The following SMARCD1 variants were observed in gnomAD, a reference collection of about 807,000 sequenced individuals.
SMARCD1 encodes SWI/SNF related BAF chromatin remodeling complex subunit D1.
A neutral mutation model predicts 70.8 loss-of-function variants in SMARCD1; 16 were observed. The ratio of observed to expected loss-of-function variants is 0.23; its 90% CI spans 0.15 to 0.34. SMARCD1 has a LOEUF of 0.34. Among genes scored for constraint, SMARCD1 ranks in the 10% least tolerant of loss-of-function variants. The pLI is 1.00. For missense variants in SMARCD1, 409 were observed against 655.5 expected, an observed-to-expected ratio of 0.62 and a Z score of 4.11; for synonymous variants, 249 against 246.0, an observed-to-expected ratio of 1.01 and a Z score of -0.11.
chr12:50,089,992 T>TG lies in SMARCD1; in HGVS notation c.873+8dup. 1 of 1,607,480 alleles carries TG rather than the reference T, an allele frequency of 6.2e-7. No individual in the cohort carries two copies. The highest frequency in any genetic ancestry group is 8.5e-7 in the Non-Finnish European group (1 of 1,173,930). On this transcript the variant is annotated splice_region_variant and intron_variant, in intron 7 of 12. Coordinates refer to ENST00000394963, the MANE Select transcript of SMARCD1 (RefSeq NM_003076.5). Reference sequence around the variant, plus strand: ...ACTGATGCTGGATTACCAGGTATTCTGTGGTGGTGTGAGGGGGTCCAGCTT... The same window carrying TG: ...ACTGATGCTGGATTACCAGGTATTCTGGTGGTGGTGTGAGGGGGTCCAGCTT...
In SMARCD1 at chr12:50,086,669, T is replaced by C. The variant is rs1204143833; in HGVS notation, c.408+6T>C. 3 of 1,613,428 alleles carry C rather than the reference T, an allele frequency of 1.9e-6. No homozygotes were observed. The African/African-American group carries it at 4.0e-5, about 22-fold the overall frequency. Reference sequence around the variant, plus strand: ...ACAAAATTCTACCTCAAAGGGTGAGTCCAGGCTATATGTCTTCTGGAAAGT... The same window carrying C: ...ACAAAATTCTACCTCAAAGGGTGAGCCCAGGCTATATGTCTTCTGGAAAGT... On this transcript the variant is annotated splice_donor_region_variant and intron_variant, in intron 3 of 12. Transcript: ENST00000394963.
Position 50,090,383 on chromosome 12 carries a change from G to T in SMARCD1, c.1016G>T (p.Cys339Phe), listed in dbSNP as rs1163404131. 1 of 1,613,954 alleles carries T rather than the reference G, an allele frequency of 6.2e-7. No homozygotes were observed. The highest frequency in any genetic ancestry group is 1.7e-5 in the Admixed American group (1 of 60,022). The change falls in exon 8 of 13, where the codon TGT (cysteine) becomes TTT (phenylalanine). Residue 339 changes from cysteine to phenylalanine, a missense_variant. Cys to Phe is a radical substitution (Grantham distance 205). Coordinates refer to ENST00000394963, the MANE Select transcript of SMARCD1 (RefSeq NM_003076.5). ...CCTCACGAGCGGGAGTTTGTCATCT[G>T]TGACAAGTACCTGCAGCAGGTAAGT... ...QDPHEREFVICDKYLQQIFES... is the reference protein window; with the variant it reads ...QDPHEREFVIFDKYLQQIFES...
chr12:50,086,711 T>C (rs1442230334), intron 3 of SMARCD1, 45 bp from the exon 4 acceptor site: 5 of 1,613,978 alleles, frequency 3.1e-6, no homozygotes, highest in Non-Finnish European at 4.2e-6. Context: ...AGTTTGAGTA[T>C]AGAGATGATC....
intron 8 of SMARCD1, 26 bp downstream of exon 8, chr12:50,090,428 T>C: frequency 1.2e-6 from 2 of 1,613,476 alleles, no homozygotes; most frequent in East Asian, 2.2e-5. Context: ...ATTCTTTTGC[T>C]AGAATCCATT....
rs1344262733 is a variant in SMARCD1 at position 50,100,015 on chromosome 12, G to A, written c.*1015G>A. On this transcript the variant is annotated 3_prime_UTR_variant, in exon 13 of 13. Transcript: ENST00000394963. ...GCGCCTAGGGCTGGAGAATAGCGCTGAGTTGGGTTTGTGACTCTTCCCTCT... is the reference window on the plus strand; with the variant it reads ...GCGCCTAGGGCTGGAGAATAGCGCTAAGTTGGGTTTGTGACTCTTCCCTCT... 1 of 152,746 alleles carries A rather than the reference G, an allele frequency of 6.5e-6. No homozygotes were observed. Among genetic ancestry groups the A allele is most frequent in the Non-Finnish European group, 1.5e-5 (1 of 68,148 alleles). The allele number at this position is 152,746 out of a possible 1,614,324, so 9.5% of individuals were successfully genotyped here.
intron 1 of SMARCD1, 106 bp from the exon 2 acceptor site, chr12:50,086,055 C>T: frequency 1.2e-6 from 1 of 857,428 alleles, no homozygotes; most frequent in Non-Finnish European, 1.7e-6. Context: ...CCATTCCATC[C>T]CTAAACCTTA....
intron 6 of SMARCD1, chr12:50,089,158 A>G (rs1950818624): frequency 1.3e-5 from 2 of 152,422 alleles, no homozygotes; most frequent in Admixed American, 6.5e-5. Flanking sequence ...CCATGTTAGC[A>G]ACAGTATTCT....
At position 50,089,897 on chromosome 12, in the gene SMARCD1, C is replaced by G; in HGVS notation, c.785C>G (p.Ala262Gly). 6.2e-7 allele frequency: 1 copy of G among 1,614,092 alleles called. No homozygotes were observed. Among genetic ancestry groups the G allele is most frequent in the Non-Finnish European group, 8.5e-7 (1 of 1,179,960 alleles). The change falls in exon 7 of 13, where the codon GCC (alanine) becomes GGC (glycine). Residue 262 changes from alanine to glycine, a missense_variant. Ala to Gly is a moderately conservative substitution (Grantham distance 60). Coordinates refer to ENST00000394963, the MANE Select transcript of SMARCD1 (RefSeq NM_003076.5). The part of the protein sequence containing the change: ...DNHLVEWHRT[A>G]TTQETDGFQV... ...TCCTCTCTGTAGTGGCACAGGACCGCCACTACCCAGGAGACCGATGGCTTT... is the reference window on the plus strand; with the variant it reads ...TCCTCTCTGTAGTGGCACAGGACCGGCACTACCCAGGAGACCGATGGCTTT...
intron 6 of SMARCD1, among the ~76,000 whole-genome samples, 177 bp from the exon 7 acceptor site, chr12:50,089,707 C>T (rs996054716): frequency 2.0e-5 from 3 of 152,230 alleles, no homozygotes; most frequent in Non-Finnish European, 4.4e-5. Context: ...GGTTAATCTA[C>T]TTATACACAG....
chr12:50,086,318 A>C lies in SMARCD1; in HGVS notation c.335A>C (p.Gln112Pro). The change falls in exon 2 of 13, where the codon CAG becomes CCG. Residue 112 changes from glutamine to proline, a missense_variant. By Grantham distance (76) the Gln-to-Pro change is moderately conservative. Coordinates refer to ENST00000394963, the MANE Select transcript of SMARCD1 (RefSeq NM_003076.5). ...RPAPQQIQQV[Q>P]QQAVQNRNHN... Reference sequence around the variant, plus strand: ...GCCCCTCAGCAGATCCAGCAGGTCCAGCAGCAGGCGGTCCAAAATCGAAAC... The same window carrying C: ...GCCCCTCAGCAGATCCAGCAGGTCCCGCAGCAGGCGGTCCAAAATCGAAAC... The C allele has an allele frequency of 1.3e-6, 2 of 1,572,762 alleles. No homozygotes were observed. Among genetic ancestry groups the C allele is most frequent in the African/African-American group, 1.4e-5 (1 of 73,314 alleles).
intron 10 of SMARCD1, among the ~76,000 whole-genome samples, chr12:50,096,318 G>A (rs1312137776): frequency 6.6e-6 from 1 of 152,178 alleles, no homozygotes; most frequent in Non-Finnish European, 1.5e-5. Flanking sequence ...TGGAGAAACG[G>A]TAGTGAGTTT....
intron 10 of SMARCD1, among the ~76,000 whole-genome samples, chr12:50,095,239 G>T (rs908228608): frequency 6.6e-6 from 1 of 152,178 alleles, no homozygotes; most frequent in Non-Finnish European, 1.5e-5. Flanking sequence ...ATTACTAGAC[G>T]CAGTCCTTGC....
chr12:50,092,024 A>C (rs1275085848), intron 9 of SMARCD1, among the ~76,000 whole-genome samples: 1 of 152,108 alleles, frequency 6.6e-6, no homozygotes, highest in East Asian at 1.9e-4. Flanking sequence ...TCTGGATGGT[A>C]CAGCATTCTA....
chr12:50,098,203 G>A (rs1044192626), intron 11 of SMARCD1, among the ~76,000 whole-genome samples: 22 of 152,230 alleles, frequency 1.4e-4, no homozygotes, highest in African/African-American at 5.3e-4. Context: ...GATTGCAGAG[G>A]TGACTGGGTG....
At chr12:50,087,232 T>A (rs1051914649) in intron 4 of SMARCD1, 131 bp from the exon 5 acceptor site, 4 of 1,106,674 alleles carry the variant, frequency 3.6e-6, no homozygotes, top group Non-Finnish European at 5.2e-6. Context: ...GGAATCTTCA[T>A]CCACCCACCC....
At position 50,086,145 on chromosome 12, in the gene SMARCD1, C is replaced by G; in HGVS notation, c.178-16C>G. The stretch of plus-strand genomic sequence containing the variant: ...AGGTGAAACCATGACATCTCTGGGT[C>G]CTCTCCCCTCTGTAGAGACCAGGTA... On this transcript the variant is annotated splice_polypyrimidine_tract_variant and intron_variant, in intron 1 of 12. Coordinates refer to ENST00000394963, the MANE Select transcript of SMARCD1 (RefSeq NM_003076.5). 6.8e-7 allele frequency: 1 copy of G among 1,480,896 alleles called. No homozygotes were observed. Among genetic ancestry groups the G allele is most frequent in the South Asian group, 1.5e-5 (1 of 68,788 alleles). The allele number at this position is 1,480,896 out of a possible 1,614,324, so 91.7% of individuals were successfully genotyped here. A position where few individuals can be genotyped will look rare whatever the true frequency, so the allele number is the denominator to read the frequency against.
intron 6 of SMARCD1, 116 bp from the exon 7 acceptor site, chr12:50,089,768 C>T: frequency 1.4e-6 from 1 of 697,980 alleles, no homozygotes; most frequent in Non-Finnish European, 2.5e-6. Flanking sequence ...CATGCTATTA[C>T]TCTTCTCCAG....
Position 50,089,781 on chromosome 12 carries a change from G to T in SMARCD1, c.772-103G>T, listed in dbSNP as rs1164143416. ...CTCATGCTATTACTCTTCTCCAGTA[G>T]CCTCAGTAATCAAAGTTGAATATTC... On this transcript the variant is annotated intron_variant, in intron 6 of 12. Transcript: ENST00000394963. 3.9e-6 allele frequency: 3 copies of T among 772,528 alleles called. No individual in the cohort carries two copies. In the East Asian group the frequency reaches 7.7e-5, roughly 20 times the overall value. 47.9% of individuals were successfully genotyped at this position (772,528 alleles called of 1,614,324 possible).
chr12:50,087,313 A>G, intron 4 of SMARCD1, 50 bp from the exon 5 acceptor site: 4 of 1,601,012 alleles, frequency 2.5e-6, no homozygotes, highest in Non-Finnish European at 3.4e-6. Flanking sequence ...GTTGTCTTCA[A>G]CATCAGACCA....
Sources: allele counts gnomAD v4.1 joint callset (sites outside exome capture counted in the v4.1 genomes callset), GRCh38; gene constraint gnomAD v4.1.1; transcripts MANE v1.5; gene names NCBI Gene and HGNC (gene_info 2026-07-23, HGNC 2026-07-21).